Variants in ZNF385D observed in about 807,000 individuals in gnomAD.
The protein encoded by ZNF385D is zinc finger protein 659.
In ZNF385D, 15 loss-of-function variants were observed where a neutral mutation model predicts 35.8. The ratio of observed to expected loss-of-function variants is 0.42; its 90% confidence interval spans 0.28 to 0.64. The LOEUF (loss-of-function observed/expected upper bound fraction) is 0.64. Among genes scored for constraint, ZNF385D ranks in the 30% least tolerant of loss-of-function variants. The probability of loss-of-function intolerance (pLI) is 0.23; values close to 1 mark genes in which losing one functional copy is unlikely to be tolerated. For missense variants in ZNF385D, 474 were observed against 494.6 expected (o/e 0.96, Z 0.39); for synonymous variants, 212 against 186.8 (o/e 1.13, Z -1.10).
At chr3:21,740,010 T>A (rs1445489987) in intron 1 of ZNF385D, among the ~76,000 whole-genome samples, 1 of 152,172 alleles carries the variant, frequency 6.6e-6, no homozygotes, top group Non-Finnish European at 1.5e-5. Flanking sequence ...GAGAGTTGAA[T>A]CTAAGGTTCA....
chr3:22,241,773 T>C (rs1415425642), intron 2 of ZNF385D, among the ~76,000 whole-genome samples: 2 of 150,878 alleles, frequency 1.3e-5, no homozygotes, highest in African/African-American at 4.9e-5. Flanking sequence ...TTTTTTTCTT[T>C]AGAAAATAAT....
intron 5 of ZNF385D, among the ~76,000 whole-genome samples, chr3:21,432,145 G>T (rs1361082865): frequency 6.6e-6 from 1 of 152,032 alleles, no homozygotes; most frequent in African/African-American, 2.4e-5. Context: ...GTTTCTTTGT[G>T]CTTCAATGTC....
intron 2 of ZNF385D, among the ~76,000 whole-genome samples, chr3:22,229,886 C>G (rs1698782210): frequency 6.6e-6 from 1 of 152,216 alleles, no homozygotes. Context: ...CTGCCCAACT[C>G]TCACTCTCTG....
chr3:21,660,695 CA>C (rs1241642221), intron 2 of ZNF385D, among the ~76,000 whole-genome samples: 1 of 152,170 alleles, frequency 6.6e-6, no homozygotes, highest in Non-Finnish European at 1.5e-5. Context: ...AACAACAACC[CA>C]AAGTCTGGCC....
At chr3:21,768,058 T>C (rs1263581067) in intron 3 of ZNF385D, among the ~76,000 whole-genome samples, 3 of 152,112 alleles carry the variant, frequency 2.0e-5, no homozygotes, top group Non-Finnish European at 2.9e-5. Context: ...TGTACATTTC[T>C]GGCCTTGTTG....
chr3:21,821,522 T>C (rs561115430), intron 3 of ZNF385D, among the ~76,000 whole-genome samples: 1 of 152,328 alleles, frequency 6.6e-6, no homozygotes, highest in African/African-American at 2.4e-5. Flanking sequence ...GAAATAAGAA[T>C]GATTAACTAA....
At position 21,767,592 on chromosome 3, in the gene ZNF385D, T is replaced by A. The variant is rs577962269; in HGVS notation, c.326-102564A>T. ...AGGATCTCGTGACCTTGATTCACAG[T>A]AGGTGCCCAATATATACCTGGTATA... On this transcript the variant is annotated intron_variant, in intron 3 of 5. Coordinates refer to the ZNF385D transcript ENST00000494108. Among the ~76,000 whole-genome samples the A allele has an allele frequency of 1.4e-4, 21 of 151,972 alleles. 1 individual carries two copies. The South Asian group carries it at 4.4e-3, about 32-fold the overall frequency.
intron 3 of ZNF385D, among the ~76,000 whole-genome samples, chr3:21,547,109 CTCCTCGGA>C (rs1310352232): frequency 1.3e-5 from 2 of 152,144 alleles, no homozygotes; most frequent in East Asian, 3.9e-4. Context: ...TTATTCCTTT[CTCCTCGGA>C]TCCTCTCTTC....
intron 3 of ZNF385D, among the ~76,000 whole-genome samples, chr3:21,942,403 C>G (rs1701565711): frequency 6.6e-6 from 1 of 152,162 alleles, no homozygotes; most frequent in Non-Finnish European, 1.5e-5. Context: ...ACACATAATA[C>G]AAACAGAATG....
intron 3 of ZNF385D, among the ~76,000 whole-genome samples, chr3:22,138,611 T>C (rs7628029): frequency 0.5 from 75,239 of 150,156 alleles, 19,524 homozygotes; most frequent in East Asian, 0.82. Flanking sequence ...ACTGGCTAGC[T>C]ATATGTAGAA....
chr3:21,836,508 TAAAAGAAAATTCTC>T (rs1695339939), intron 3 of ZNF385D, among the ~76,000 whole-genome samples: 1 of 152,034 alleles, frequency 6.6e-6, no homozygotes, highest in Non-Finnish European at 1.5e-5. Flanking sequence ...TACAGAGACC[TAAAAGAAAATTCTC>T]AAATCTCCAT....
chr3:21,967,054 AAAT>A (rs1252514313), intron 3 of ZNF385D, among the ~76,000 whole-genome samples: 1 of 152,246 alleles, frequency 6.6e-6, no homozygotes, highest in Non-Finnish European at 1.5e-5. Context: ...CTATTAATTC[AAAT>A]AATAGTGAAA....
At chr3:21,851,027 A>C (rs1696350655) in intron 3 of ZNF385D, among the ~76,000 whole-genome samples, 2 of 152,058 alleles carry the variant, frequency 1.3e-5, no homozygotes. Flanking sequence ...ATAAAAACAA[A>C]TCTAGAAATG....
intron 2 of ZNF385D, among the ~76,000 whole-genome samples, chr3:22,190,006 T>C (rs1047061605): frequency 1.3e-5 from 2 of 152,154 alleles, no homozygotes; most frequent in African/African-American, 4.8e-5. Context: ...TTTGCCCTGA[T>C]GTGTTTGTAT....
intron 3 of ZNF385D, among the ~76,000 whole-genome samples, chr3:22,080,134 G>C (rs959116865): frequency 6.6e-5 from 10 of 152,104 alleles, no homozygotes; most frequent in Non-Finnish European, 1.3e-4. Flanking sequence ...TAATTACTTA[G>C]GAAGTTCTGA....
At chr3:21,805,591 T>C (rs1324686544) in intron 3 of ZNF385D, among the ~76,000 whole-genome samples, 2 of 152,210 alleles carry the variant, frequency 1.3e-5, no homozygotes, top group Non-Finnish European at 2.9e-5. Context: ...GTAGCTCTTC[T>C]GAGGACCAAT....
chr3:21,450,565 T>G (rs1702399036), intron 4 of ZNF385D, among the ~76,000 whole-genome samples: 1 of 152,120 alleles, frequency 6.6e-6, no homozygotes, highest in African/African-American at 2.4e-5. Flanking sequence ...ACTGTATGAT[T>G]TGGTTCAGTG....
chr3:22,356,005 C>T (rs1438459659), intron 2 of ZNF385D, among the ~76,000 whole-genome samples: 1 of 151,874 alleles, frequency 6.6e-6, no homozygotes, highest in African/African-American at 2.4e-5. Context: ...AAAATATTTC[C>T]AATTACTTTC....
At chr3:21,547,349 T>C (rs920421880) in intron 3 of ZNF385D, among the ~76,000 whole-genome samples, 1 of 152,106 alleles carries the variant, frequency 6.6e-6, no homozygotes, top group South Asian at 2.1e-4. Flanking sequence ...CCTTGGAATT[T>C]TTTAGCTGTT....
Sources: allele counts gnomAD v4.1 joint callset (sites outside exome capture counted in the v4.1 genomes callset), GRCh38; gene constraint gnomAD v4.1.1; transcripts MANE v1.5; gene names NCBI Gene and HGNC (gene_info 2026-07-23, HGNC 2026-07-21).